Variants in GABRA4 observed in about 807,000 individuals in gnomAD.
The protein encoded by GABRA4 is gamma-aminobutyric acid type A receptor subunit alpha4.
A neutral mutation model predicts 49.7 loss-of-function variants in GABRA4; 12 were observed. The ratio of observed to expected loss-of-function variants is 0.24; its 90% CI spans 0.15 to 0.39. GABRA4 has a LOEUF of 0.39. GABRA4 is among the 10% of genes least tolerant of loss of function. GABRA4 has a pLI of 1.00. For synonymous variants in GABRA4, 288 were observed against 240.2 expected, an observed-to-expected ratio of 1.20 and a Z score of -1.84; for missense variants, 506 against 686.0, an observed-to-expected ratio of 0.74 and a Z score of 2.93.
At position 46,993,427 on chromosome 4, in the gene GABRA4, T is replaced by C; in HGVS notation, c.-3A>G. On this transcript the variant is annotated 5_prime_UTR_variant, in exon 1 of 9. Transcript: ENST00000264318. ...GGTACCTTCTTGGCAGAAACCATCT[T>C]TGCAACATGCCATACTTCAAGCCTG... 1.2e-6 allele frequency: 2 copies of C among 1,614,130 alleles called. 1 individual carries two copies. Among genetic ancestry groups the C allele is most frequent in the South Asian group, 2.2e-5 (2 of 91,084 alleles).
rs1577737555 is a variant in GABRA4 at position 46,926,350 on chromosome 4, A to G, written c.*1875T>C. On this transcript the variant is annotated 3_prime_UTR_variant, in exon 9 of 9. Coordinates refer to ENST00000264318, the MANE Select transcript of GABRA4 (RefSeq NM_000809.4). ...ACTGGACCTAATTTTACTAGAATCA[A>G]TTTTAAATTGGGGGGTTGGGACTGG... is the stretch of plus-strand genomic sequence containing the variant. 6.6e-6 allele frequency: 1 copy of G among 151,880 alleles called. No homozygotes were observed. Among genetic ancestry groups the G allele is most frequent in the African/African-American group, 2.4e-5 (1 of 41,402 alleles). The allele number at this position is 151,880 out of a possible 1,614,324, so 9.4% of individuals were successfully genotyped here.
rs1720980224 is a variant in GABRA4, at chr4:46,920,450, A to G, written c.*7775T>C. On this transcript the variant is annotated 3_prime_UTR_variant, in exon 9 of 9. Coordinates refer to ENST00000264318, the MANE Select transcript of GABRA4 (RefSeq NM_000809.4). ...GAAAATATGAAATATGAGACATGAG[A>G]AATATTAAACGAGTTCAGCAAAATA... 1 of 151,684 alleles carries G rather than the reference A, an allele frequency of 6.6e-6. No homozygotes were observed. The highest frequency in any genetic ancestry group is 6.6e-5 in the Admixed American group (1 of 15,210). The allele number at this position is 151,684 out of a possible 1,614,324, so 9.4% of individuals were successfully genotyped here.
intron 8 of GABRA4, among the ~76,000 whole-genome samples, chr4:46,963,230 A>T (rs1722642337): frequency 6.6e-6 from 1 of 151,854 alleles, no homozygotes; most frequent in South Asian, 2.1e-4. Flanking sequence ...ATATATAAAG[A>T]GGTCAAACAA....
intron 7 of GABRA4, among the ~76,000 whole-genome samples, chr4:46,968,229 C>A (rs909532250): frequency 6.6e-6 from 1 of 151,488 alleles, no homozygotes; most frequent in East Asian, 1.9e-4. Flanking sequence ...TAAGAAAGTA[C>A]CTTCATAGGC....
intron 7 of GABRA4, among the ~76,000 whole-genome samples, chr4:46,970,480 A>G (rs561558675): frequency 6.6e-6 from 1 of 151,666 alleles, no homozygotes; most frequent in African/African-American, 2.4e-5. Flanking sequence ...GTAAACTCAT[A>G]TGCTCTGAAC....
At chr4:46,993,253 G>A (rs1285332439) in intron 1 of GABRA4, 86 bp downstream of exon 1, 2 of 1,137,506 alleles carry the variant, frequency 1.8e-6, no homozygotes, top group Non-Finnish European at 2.7e-6. Context: ...AGTCCACCCA[G>A]GGAGGAGCGA....
intron 2 of GABRA4, among the ~76,000 whole-genome samples, chr4:46,988,568 A>T (rs914895146): frequency 1.3e-5 from 2 of 152,254 alleles, no homozygotes; most frequent in Non-Finnish European, 2.9e-5. Flanking sequence ...ATTTGAAAAC[A>T]CTGCAAACAC....
chr4:46,928,478 C>G lies in GABRA4; in HGVS notation c.1412G>C (p.Gly471Ala). The G allele has an allele frequency of 6.2e-7, 1 of 1,613,584 alleles. No individual in the cohort carries two copies. The highest frequency in any genetic ancestry group is 8.5e-7 in the Non-Finnish European group (1 of 1,179,692). The part of the protein sequence containing the change: ...TGYMPRKASV[G>A]SASTRHVFGS... ...AAACACGTGACGAGTAGAAGCAGAT[C>G]CAACTGAAGCCTTTCGAGGCATATA... The change falls in exon 9 of 9, where the codon GGA (glycine) becomes GCA (alanine). Residue 471 changes from glycine to alanine, a missense_variant. By Grantham distance (60) the Gly-to-Ala change is moderately conservative (BLOSUM62 0). This residue lies in a region of GABRA4 where 243 missense variants were observed against 210.8 expected (regional missense o/e 1.15). Coordinates refer to ENST00000264318, the MANE Select transcript of GABRA4 (RefSeq NM_000809.4).
chr4:46,941,768 G>C (rs1327658103), intron 8 of GABRA4, among the ~76,000 whole-genome samples: 2 of 152,002 alleles, frequency 1.3e-5, no homozygotes, highest in African/African-American at 4.8e-5. Flanking sequence ...CATTCTTGGA[G>C]CAACACTAAG....
At chr4:46,978,259 A>C (rs1399670521) in intron 3 of GABRA4, among the ~76,000 whole-genome samples, 1 of 152,072 alleles carries the variant, frequency 6.6e-6, no homozygotes, top group East Asian at 1.9e-4. Context: ...AAGGAGGCAG[A>C]AGGGCTGGGA....
chr4:46,952,206 G>A (rs1722196008), intron 8 of GABRA4, among the ~76,000 whole-genome samples: 1 of 151,990 alleles, frequency 6.6e-6, no homozygotes. Context: ...GCTATAGACT[G>A]AGGGAGAAGG....
Position 46,926,063 on chromosome 4 carries a change from T to A in GABRA4, c.*2162A>T, listed in dbSNP as rs576555972. ...CCAATAGATTAGCAAAGAGTAAGAG[T>A]TCCTCACCAAAAACAACAACAACAA... is the stretch of plus-strand genomic sequence containing the variant. On this transcript the variant is annotated 3_prime_UTR_variant, in exon 9 of 9. Coordinates refer to ENST00000264318, the MANE Select transcript of GABRA4 (RefSeq NM_000809.4). 36 of 138,408 alleles carry A rather than the reference T, an allele frequency of 2.6e-4. No homozygotes were observed. The highest frequency in any genetic ancestry group is 8.4e-4 in the African/African-American group (32 of 37,996). The allele number at this position is 138,408 out of a possible 1,614,324, so 8.6% of individuals were successfully genotyped here. A position where few individuals can be genotyped will look rare whatever the true frequency, so the allele number is the denominator to read the frequency against.
intron 8 of GABRA4, among the ~76,000 whole-genome samples, chr4:46,949,655 C>T (rs1722097850): frequency 6.6e-6 from 1 of 152,030 alleles, no homozygotes; most frequent in Admixed American, 6.6e-5. Context: ...TATATTGGTA[C>T]ACTTCTTTGA....
intron 8 of GABRA4, among the ~76,000 whole-genome samples, chr4:46,937,745 A>T (rs960530549): frequency 1.4e-4 from 21 of 152,330 alleles, no homozygotes; most frequent in African/African-American, 5.0e-4. Context: ...AGATTCCTCC[A>T]GGTAACTCTT....
At chr4:46,989,292 T>C (rs1049070669) in intron 2 of GABRA4, among the ~76,000 whole-genome samples, 3 of 152,200 alleles carry the variant, frequency 2.0e-5, no homozygotes, top group African/African-American at 4.8e-5. Context: ...TGTTACAGTG[T>C]TGAAAGTGAA....
At chr4:46,950,737 A>C (rs942257687) in intron 8 of GABRA4, among the ~76,000 whole-genome samples, 1 of 125,168 alleles carries the variant, frequency 8.0e-6, no homozygotes, top group African/African-American at 2.9e-5. Flanking sequence ...ATAAATAAAT[A>C]AATAAATAAA....
intron 2 of GABRA4, among the ~76,000 whole-genome samples, chr4:46,984,055 C>T (rs1723452246): frequency 6.6e-6 from 1 of 151,966 alleles, no homozygotes; most frequent in South Asian, 2.1e-4. Context: ...TCCCAGTTTA[C>T]TTAACTTTAG....
chr4:46,919,632 A>T lies in GABRA4; in HGVS notation c.*8593T>A, dbSNP rs1720901381. On this transcript the variant is annotated 3_prime_UTR_variant, in exon 9 of 9. Coordinates refer to ENST00000264318, the MANE Select transcript of GABRA4 (RefSeq NM_000809.4). ...TATAATAAGGAATATTTTCAATTGTACAACTAAACAAACAATTTTAAAATT... is the reference window on the plus strand; with the variant it reads ...TATAATAAGGAATATTTTCAATTGTTCAACTAAACAAACAATTTTAAAATT... 6.6e-6 allele frequency: 1 copy of T among 151,636 alleles called. No individual in the cohort carries two copies. Among genetic ancestry groups the T allele is most frequent in the South Asian group, 2.1e-4 (1 of 4,822 alleles). 9.4% of individuals were successfully genotyped at this position (151,636 alleles called of 1,614,324 possible).
rs183396596 is a variant in GABRA4, at chr4:46,924,324, A to G, written c.*3901T>C. On this transcript the variant is annotated 3_prime_UTR_variant, in exon 9 of 9. Coordinates refer to ENST00000264318, the MANE Select transcript of GABRA4 (RefSeq NM_000809.4). ...TAAATATTAGGTATCTTGATTATTG[A>G]AGTTTTGATGTCCCCATATATATTT... is the stretch of plus-strand genomic sequence containing the variant. 6.6e-6 allele frequency: 1 copy of G among 152,166 alleles called. No individual in the cohort carries two copies. Among genetic ancestry groups the G allele is most frequent in the Admixed American group, 6.6e-5 (1 of 15,258 alleles). The allele number at this position is 152,166 out of a possible 1,614,324, so 9.4% of individuals were successfully genotyped here. A position where few individuals can be genotyped will look rare whatever the true frequency, so the allele number is the denominator to read the frequency against.
Sources: gnomAD v4.1 joint callset for allele counts (sites outside exome capture counted in the v4.1 genomes callset) on GRCh38, gnomAD v4.1.1 for gene constraint, gnomAD v4.1.1 regional missense constraint, MANE v1.5 for transcripts, NCBI Gene and HGNC (gene_info 2026-07-23, HGNC 2026-07-21) for gene names.